Variants in USH2A observed in about 807,000 individuals in gnomAD.
USH2A encodes usherin.
Under a neutral mutation model 538.9 loss-of-function variants are expected in USH2A, and 443 were observed. The observed-to-expected ratio is 0.82, with a 90% CI of 0.76 to 0.89. The LOEUF is 0.89. Among genes scored for constraint, USH2A ranks in the 40% least tolerant of loss-of-function variants. USH2A has a pLI of 0.00. For missense variants in USH2A, 6,633 were observed against 6,324.8 expected (o/e 1.05, Z -1.65); for synonymous variants, 2,413 against 2,273.5 (o/e 1.06, Z -1.75).
intron 3 of USH2A, among the ~76,000 whole-genome samples, chr1:216,410,603 T>A (rs1249294057): frequency 1.3e-5 from 2 of 151,998 alleles, no homozygotes; most frequent in African/African-American, 4.8e-5. Flanking sequence ...TTAAAGTTTC[T>A]CAATAATGCT....
intron 9 of USH2A, among the ~76,000 whole-genome samples, chr1:216,316,392 T>A (rs551436122): frequency 6.6e-6 from 1 of 152,302 alleles, no homozygotes; most frequent in East Asian, 1.9e-4. Flanking sequence ...GTATTCTAGC[T>A]TCTAGTGTCT....
Position 215,627,414 on chromosome 1 carries a change from TTCCTTCCTTCCTTCCTTCCTTCCTTCC to T in USH2A, c.15519+1373_15519+1399del, listed in dbSNP as rs1656074435. Among the ~76,000 whole-genome samples, 12 of 113,044 alleles carry T rather than the reference TTCCTTCCTTCCTTCCTTCCTTCCTTCC, an allele frequency of 1.1e-4. 1 individual carries two copies. Among genetic ancestry groups the T allele is most frequent in the Middle Eastern group, 4.0e-3 (1 of 252 alleles). The allele number at this position is 113,044 out of a possible 152,430, so 74.2% of individuals were successfully genotyped here. A position where few individuals can be genotyped will look rare whatever the true frequency, so the allele number is the denominator to read the frequency against. On this transcript the variant is annotated intron_variant, in intron 71 of 71. Coordinates refer to ENST00000307340, the MANE Select transcript of USH2A (RefSeq NM_206933.4). ...CTTCCTTCCTTCCTTCCTTCCTTCC[TTCCTTCCTTCCTTCCTTCCTTCCTTCC>T]TTCCTTCCTTCCTTCCTTCCTTCCT... is the stretch of plus-strand genomic sequence containing the variant.
At chr1:215,959,822 C>A (rs1667153352) in intron 37 of USH2A, among the ~76,000 whole-genome samples, 1 of 152,244 alleles carries the variant, frequency 6.6e-6, no homozygotes, top group South Asian at 2.1e-4. Flanking sequence ...AAGGACTCAG[C>A]AATTAGCACA....
intron 3 of USH2A, among the ~76,000 whole-genome samples, chr1:216,375,627 T>C (rs997184252): frequency 3.3e-5 from 5 of 152,184 alleles, no homozygotes; most frequent in African/African-American, 1.2e-4. Context: ...TAAAGCTGTT[T>C]CAGTTTTTAT....
intron 26 of USH2A, chr1:216,079,078 A>G (rs1451240601): frequency 6.6e-6 from 1 of 152,182 alleles, no homozygotes; most frequent in South Asian, 2.1e-4. Context: ...GTTAGAAACC[A>G]TATCAGTAAC....
At chr1:216,094,071 A>G (rs998064330) in intron 22 of USH2A, among the ~76,000 whole-genome samples, 8 of 152,150 alleles carry the variant, frequency 5.3e-5, no homozygotes, top group African/African-American at 7.2e-5. Context: ...TTTTTTTTCC[A>G]TCTGGCTTCT....
At chr1:215,856,531 C>G (rs568846608) in intron 44 of USH2A, among the ~76,000 whole-genome samples, 1 of 152,046 alleles carries the variant, frequency 6.6e-6, no homozygotes, top group East Asian at 1.9e-4. Context: ...TGGCCATAAT[C>G]AAAAAACCAA....
At chr1:216,078,575 A>C (rs1316683177) in intron 26 of USH2A, among the ~76,000 whole-genome samples, 1 of 152,154 alleles carries the variant, frequency 6.6e-6, no homozygotes, top group Non-Finnish European at 1.5e-5. Context: ...GTATTGATGC[A>C]AACAAATTCA....
At chr1:215,893,763 C>T (rs892648195) in intron 40 of USH2A, among the ~76,000 whole-genome samples, 1 of 152,012 alleles carries the variant, frequency 6.6e-6, no homozygotes, top group Admixed American at 6.6e-5. Flanking sequence ...AGGGGAGATT[C>T]GAGAGCTTAA....
chr1:216,108,636 T>A (rs150690334), intron 21 of USH2A, among the ~76,000 whole-genome samples: 3,444 of 152,102 alleles, frequency 0.023, 50 homozygotes, highest in Non-Finnish European at 0.032. Context: ...GATCTGTTTA[T>A]TTTTTAACCT....
chr1:216,183,047 T>A (rs992761374), intron 20 of USH2A, among the ~76,000 whole-genome samples: 2 of 152,088 alleles, frequency 1.3e-5, no homozygotes, highest in Non-Finnish European at 2.9e-5. Flanking sequence ...AATTGTTACC[T>A]TAGGGGTCAT....
intron 4 of USH2A, among the ~76,000 whole-genome samples, chr1:216,339,992 G>A (rs2038045336): frequency 6.6e-6 from 1 of 151,760 alleles, no homozygotes; most frequent in South Asian, 2.1e-4. Flanking sequence ...GATCAGAGCA[G>A]AACTGAAGGA....
At chr1:216,415,503 T>C (rs80049543) in intron 3 of USH2A, among the ~76,000 whole-genome samples, 1,513 of 136,816 alleles carry the variant, frequency 0.011, 43 homozygotes, top group African/African-American at 0.039. Context: ...CTGTCCTTCC[T>C]GTCACTTTTT....
chr1:215,629,563 C>T (rs1159088242), intron 70 of USH2A, among the ~76,000 whole-genome samples: 4 of 151,896 alleles, frequency 2.6e-5, no homozygotes, highest in Middle Eastern at 3.4e-3. Context: ...ACTCCTCCCT[C>T]CCTCATTTCT....
In USH2A at chr1:216,253,209, A is replaced by T. The variant is rs184891575; in HGVS notation, c.1972-2111T>A. 3.1e-3 allele frequency among the ~76,000 whole-genome samples: 465 copies of T among 150,636 alleles called. 5 individuals carry two copies. The highest frequency in any genetic ancestry group is 0.014 in the East Asian group (70 of 5,124). Reference sequence around the variant, plus strand: ...TGAAAAATGATTGAAACAGACATTTAAAAATGCCTGCAAATTTGGAGTACA... The same window carrying T: ...TGAAAAATGATTGAAACAGACATTTTAAAATGCCTGCAAATTTGGAGTACA... On this transcript the variant is annotated intron_variant, in intron 11 of 71. Coordinates refer to ENST00000307340, the MANE Select transcript of USH2A (RefSeq NM_206933.4).
At chr1:216,397,647 A>C (rs2102755620) in intron 3 of USH2A, among the ~76,000 whole-genome samples, 1 of 152,152 alleles carries the variant, frequency 6.6e-6, no homozygotes, top group African/African-American at 2.4e-5. Context: ...ATCAGACTCT[A>C]GGTTCTTTAG....
At chr1:216,205,015 G>C (rs1241820788) in intron 16 of USH2A, among the ~76,000 whole-genome samples, 1 of 152,156 alleles carries the variant, frequency 6.6e-6, no homozygotes, top group Admixed American at 6.5e-5. Context: ...TTCCTTATTA[G>C]TGCAATCGTC....
At chr1:216,275,364 T>G (rs1398773289) in intron 11 of USH2A, among the ~76,000 whole-genome samples, 1 of 152,086 alleles carries the variant, frequency 6.6e-6, no homozygotes, top group African/African-American at 2.4e-5. Context: ...AAATGAAAGA[T>G]CTCACAGAAG....
intron 55 of USH2A, among the ~76,000 whole-genome samples, chr1:215,772,067 G>A (rs1247825543): frequency 2.6e-5 from 4 of 152,148 alleles, no homozygotes; most frequent in Non-Finnish European, 5.9e-5. Context: ...ATACGACTCT[G>A]TAAAACTCAA....
Sources: allele counts gnomAD v4.1 joint callset (sites outside exome capture counted in the v4.1 genomes callset), GRCh38; gene constraint gnomAD v4.1.1; transcripts MANE v1.5; gene names NCBI Gene and HGNC (gene_info 2026-07-23, HGNC 2026-07-21).